The following RUBCNL variants were observed in gnomAD, a reference collection of about 807,000 sequenced individuals.
The protein encoded by RUBCNL is rubicon like autophagy enhancer.
RUBCNL carries 62 observed loss-of-function variants against 69.5 expected under a neutral mutation model. That is an observed-to-expected ratio of 0.89 (90% CI 0.73 to 1.10). The LOEUF is 1.10. RUBCNL is among the 50% of genes least tolerant of loss of function. The pLI is 0.00. For synonymous variants in RUBCNL, 291 were observed against 303.6 expected (o/e 0.96, Z 0.43); for missense variants, 768 against 798.1 (o/e 0.96, Z 0.45).
chr13:46,380,072 C>T (rs1214882574), intron 1 of RUBCNL, among the ~76,000 whole-genome samples: 1 of 152,164 alleles, frequency 6.6e-6, no homozygotes, highest in Non-Finnish European at 1.5e-5. Context: ...TACTGTTTCC[C>T]TGGCTGGGTG....
intron 3 of RUBCNL, among the ~76,000 whole-genome samples, chr13:46,370,276 T>A (rs1264285154): frequency 6.6e-6 from 1 of 152,194 alleles, no homozygotes; most frequent in East Asian, 1.9e-4. Context: ...AATGTGTAGT[T>A]CCTATGCCAA....
intron 4 of RUBCNL, 120 bp downstream of exon 4, chr13:46,368,613 A>G: frequency 7.7e-7 from 1 of 1,299,674 alleles, no homozygotes; most frequent in Non-Finnish European, 1.0e-6. Context: ...CATCAATCAA[A>G]TGCTGAAAGG....
rs1450555242 is a variant in RUBCNL at position 46,335,699 on chromosome 13, T to C, written c.*7686A>G. On this transcript the variant is annotated 3_prime_UTR_variant, in exon 15 of 15. Coordinates refer to ENST00000429979, the MANE Select transcript of RUBCNL (RefSeq NM_025113.5). ...CTGTGGTGAGCCATCAACTAAGATA[T>C]ATTTTGTAGGTAGAGCTGACAGAAG... Among the ~76,000 whole-genome samples the C allele has an allele frequency of 2.0e-5, 3 of 152,216 alleles. No individual in the cohort carries two copies. Among genetic ancestry groups the C allele is most frequent in the African/African-American group, 7.2e-5 (3 of 41,454 alleles).
rs1333446492 is a variant in RUBCNL, at chr13:46,372,274, A to G, written c.202T>C (p.Ser68Pro). Residue 68 changes from serine to proline, a missense_variant, in exon 3 of 15, where the codon TCT becomes CCT. Physicochemically the swap from Ser to Pro is moderately conservative, Grantham distance 74. Coordinates refer to ENST00000429979, the MANE Select transcript of RUBCNL (RefSeq NM_025113.5). ...CTGTTCCCTGCTGCTGGCACCTGAG[A>G]TTGCAAGTCCTGCGGCTGTTGCTGC... ...DVQQQPQDLQ[S>P]QVPAAGNSGT... The G allele has an allele frequency of 6.2e-7, 1 of 1,613,968 alleles. No individual in the cohort carries two copies. Among genetic ancestry groups the G allele is most frequent in the African/African-American group, 1.3e-5 (1 of 75,018 alleles).
chr13:46,388,093 T>C (rs189695882), upstream of RUBCNL, among the ~76,000 whole-genome samples: 963 of 149,218 alleles, frequency 6.5e-3, 8 homozygotes, highest in Non-Finnish European at 0.01. Flanking sequence ...GTGCCTGTTA[T>C]GCCGGCTACT....
intron 3 of RUBCNL, among the ~76,000 whole-genome samples, chr13:46,371,271 G>A (rs957010288): frequency 1.3e-5 from 2 of 152,196 alleles, no homozygotes; most frequent in Non-Finnish European, 2.9e-5. Flanking sequence ...AATGACAAGT[G>A]TGACTATAAC....
chr13:46,371,849 T>C, intron 3 of RUBCNL, 92 bp downstream of exon 3: 4 of 1,319,164 alleles, frequency 3.0e-6, no homozygotes, highest in Non-Finnish European at 4.2e-6. Context: ...CAATGCATTG[T>C]CCCATGGGGA....
At chr13:46,370,181 G>C (rs2048846908) in intron 3 of RUBCNL, among the ~76,000 whole-genome samples, 1 of 152,178 alleles carries the variant, frequency 6.6e-6, no homozygotes, top group African/African-American at 2.4e-5. Context: ...CACCAGCTGT[G>C]CCTCTGCATC....
chr13:46,356,343 A>G, intron 10 of RUBCNL, 89 bp downstream of exon 10: 3 of 1,249,622 alleles, frequency 2.4e-6, no homozygotes, highest in South Asian at 1.3e-5. Flanking sequence ...CATCAAAGGC[A>G]TCTCTCACAC....
chr13:46,358,590 G>A (rs2048542175), intron 9 of RUBCNL, among the ~76,000 whole-genome samples: 1 of 152,122 alleles, frequency 6.6e-6, no homozygotes, highest in South Asian at 2.1e-4. Flanking sequence ...GTCTCGCTCT[G>A]TCACCCAAGC....
At chr13:46,380,251 G>T (rs191293170) in intron 1 of RUBCNL, among the ~76,000 whole-genome samples, 1 of 152,318 alleles carries the variant, frequency 6.6e-6, no homozygotes, top group African/African-American at 2.4e-5. Flanking sequence ...TCACCTAAAA[G>T]AACTGCAGGG....
rs771126315 is a variant in RUBCNL, at chr13:46,371,956, A to C, written c.520T>G (p.Ser174Ala). The C allele has an allele frequency of 4.3e-6, 7 of 1,613,950 alleles. No homozygotes were observed. The highest frequency in any genetic ancestry group is 5.1e-6 in the Non-Finnish European group (6 of 1,179,834). The change falls in exon 3 of 15, where the codon TCT becomes GCT. Residue 174 changes from serine to alanine, a missense_variant. Transcript: ENST00000429979. ...SAFFEPSHLT[S>A]AADEGAVQVS... ...CTAAAATTACCTTCATCAGCAGCAG[A>C]TGTCAGATGGGAAGGCTCAAAAAAA... is the stretch of plus-strand genomic sequence containing the variant.
chr13:46,368,909 T>C, intron 3 of RUBCNL, 94 bp from the exon 4 acceptor site: 1 of 866,238 alleles, frequency 1.2e-6, no homozygotes, highest in Admixed American at 2.4e-5. Context: ...TTTTAAATAA[T>C]GTAAAAAAAT....
chr13:46,351,385 A>G (rs1258717014), intron 10 of RUBCNL, among the ~76,000 whole-genome samples: 1 of 152,228 alleles, frequency 6.6e-6, no homozygotes, highest in Non-Finnish European at 1.5e-5. Flanking sequence ...TATCTAGAGG[A>G]GGGCACTTAC....
In RUBCNL at chr13:46,336,192, G is replaced by T. The variant is rs531674778; in HGVS notation, c.*7193C>A. Reference sequence around the variant, plus strand: ...GCCGGCCCTGTTCTTTTTGGTTCACGTGGTCTTTAGTAATTTACTAAATAA... The same window carrying T: ...GCCGGCCCTGTTCTTTTTGGTTCACTTGGTCTTTAGTAATTTACTAAATAA... On this transcript the variant is annotated 3_prime_UTR_variant, in exon 15 of 15. Coordinates refer to ENST00000429979, the MANE Select transcript of RUBCNL (RefSeq NM_025113.5). Among the ~76,000 whole-genome samples the T allele has an allele frequency of 3.3e-5, 5 of 152,220 alleles. No individual in the cohort carries two copies. Among genetic ancestry groups the T allele is most frequent in the Middle Eastern group, 3.4e-3 (1 of 294 alleles).
chr13:46,343,350 A>T lies in RUBCNL; in HGVS notation c.*35T>A, dbSNP rs769023557. The T allele has an allele frequency of 6.2e-7, 1 of 1,604,088 alleles. No individual in the cohort carries two copies. The highest frequency in any genetic ancestry group is 1.1e-5 in the South Asian group (1 of 89,440). On this transcript the variant is annotated 3_prime_UTR_variant, in exon 15 of 15. Transcript: ENST00000429979. ...ACACAAATCGGTGTTATCATAAGGC[A>T]TGTTGAACAGTCTTTTTCACAGTAC...
rs2048105185 is a variant in RUBCNL, at chr13:46,336,365, G to A, written c.*7020C>T. On this transcript the variant is annotated 3_prime_UTR_variant, in exon 15 of 15. Coordinates refer to ENST00000429979, the MANE Select transcript of RUBCNL (RefSeq NM_025113.5). ...AATGCAACCATTACTCTTAAAAGTTGTATAGTACTGATCTCATTTATCATC... is the reference window on the plus strand; with the variant it reads ...AATGCAACCATTACTCTTAAAAGTTATATAGTACTGATCTCATTTATCATC... Among the ~76,000 whole-genome samples the A allele has an allele frequency of 6.6e-6, 1 of 152,046 alleles. No individual in the cohort carries two copies. The highest frequency in any genetic ancestry group is 1.5e-5 in the Non-Finnish European group (1 of 68,012).
chr13:46,386,936 G>C lies in RUBCNL; in HGVS notation c.-239+198C>G, dbSNP rs796536729. On this transcript the variant is annotated intron_variant, in intron 1 of 14. Transcript: ENST00000429979. ...ATAGAAATCCGCCACCCCGCGAGGAGCCCCTTCCTACTGTCTCCAAGGGGT... is the reference window on the plus strand; with the variant it reads ...ATAGAAATCCGCCACCCCGCGAGGACCCCCTTCCTACTGTCTCCAAGGGGT... 1.4e-4 allele frequency among the ~76,000 whole-genome samples: 22 copies of C among 152,140 alleles called. 1 individual carries two copies. The highest frequency in any genetic ancestry group is 5.3e-4 in the African/African-American group (22 of 41,506).
In RUBCNL at chr13:46,335,067, G is replaced by A. The variant is rs533194605; in HGVS notation, c.*8318C>T. Among the ~76,000 whole-genome samples the A allele has an allele frequency of 3.3e-5, 5 of 151,726 alleles. No individual in the cohort carries two copies. The highest frequency in any genetic ancestry group is 1.2e-4 in the African/African-American group (5 of 41,402). On this transcript the variant is annotated 3_prime_UTR_variant, in exon 15 of 15. Coordinates refer to ENST00000429979, the MANE Select transcript of RUBCNL (RefSeq NM_025113.5). ...GGAAACCTACTTGGGTAAAGAATTT[G>A]GACTTTTTTTTTTTTGAGATGGGGT...
Sources: gnomAD v4.1 joint callset for allele counts (sites outside exome capture counted in the v4.1 genomes callset) on GRCh38, gnomAD v4.1.1 for gene constraint, MANE v1.5 for transcripts, NCBI Gene and HGNC (gene_info 2026-07-23, HGNC 2026-07-21) for gene names.